HLCS: variants seen among roughly 807,000 people sequenced by gnomAD.
The protein encoded by HLCS is biotin--protein ligase.
Under a neutral mutation model 75.0 loss-of-function variants are expected in HLCS, and 53 were observed. That is an observed-to-expected ratio of 0.71 (90% CI 0.57 to 0.89). The LOEUF is 0.89. HLCS is among the 40% of genes least tolerant of loss of function. HLCS has a pLI of 0.00. For missense variants in HLCS, 966 were observed against 1,074.0 expected (o/e 0.90, Z 1.41); for synonymous variants, 431 against 428.6 (o/e 1.01, Z -0.07).
At chr21:36,924,175 T>C (rs1419580947) in intron 5 of HLCS, among the ~76,000 whole-genome samples, 3 of 152,182 alleles carry the variant, frequency 2.0e-5, no homozygotes, top group African/African-American at 7.2e-5. Flanking sequence ...GGATTAAAAA[T>C]AGGAGAAGGG....
chr21:36,855,787 A>G (rs907627040), intron 6 of HLCS, among the ~76,000 whole-genome samples: 4 of 152,026 alleles, frequency 2.6e-5, no homozygotes. Flanking sequence ...TGTGTTTCCC[A>G]GGCTGGTCTC....
rs975833877 is a variant in HLCS at position 36,752,696 on chromosome 21, C to G, written c.*1550G>C. 1 of 152,430 alleles carries G rather than the reference C, an allele frequency of 6.6e-6. No individual in the cohort carries two copies. Among genetic ancestry groups the G allele is most frequent in the African/African-American group, 2.4e-5 (1 of 41,406 alleles). The allele number at this position is 152,430 out of a possible 1,614,324, so 9.4% of individuals were successfully genotyped here. A position where few individuals can be genotyped will look rare whatever the true frequency, so the allele number is the denominator to read the frequency against. On this transcript the variant is annotated 3_prime_UTR_variant, in exon 11 of 11. Transcript: ENST00000674895. ...ATAATTCTAATTGAAGCCTCATTTCCAAAAATTACTTTTTAAGTTCTTTTA... is the reference window on the plus strand; with the variant it reads ...ATAATTCTAATTGAAGCCTCATTTCGAAAAATTACTTTTTAAGTTCTTTTA...
At chr21:36,976,445 G>A (rs1050770983) in intron 1 of HLCS, among the ~76,000 whole-genome samples, 11 of 152,068 alleles carry the variant, frequency 7.2e-5, no homozygotes, top group African/African-American at 9.7e-5. Flanking sequence ...TTAGCTGGGC[G>A]TGGTGGTGTG....
intron 5 of HLCS, among the ~76,000 whole-genome samples, chr21:36,907,169 T>C (rs1255515995): frequency 6.6e-6 from 1 of 152,170 alleles, no homozygotes; most frequent in Non-Finnish European, 1.5e-5. Flanking sequence ...ATATAAAAAT[T>C]AACTTGAAAT....
intron 6 of HLCS, 144 bp from the exon 7 acceptor site, chr21:36,767,429 AATGTGGAGCC>A: frequency 1.3e-6 from 1 of 765,114 alleles, no homozygotes; most frequent in South Asian, 1.4e-5. Context: ...GGCCTTCAGG[AATGTGGAGCC>A]ATGAGGGATA....
intron 2 of HLCS, among the ~76,000 whole-genome samples, chr21:36,941,028 A>G (rs2067116521): frequency 6.6e-6 from 1 of 152,226 alleles, no homozygotes; most frequent in Non-Finnish European, 1.5e-5. Flanking sequence ...CCTGGGCAAC[A>G]TGGTAAAACC....
intron 6 of HLCS, among the ~76,000 whole-genome samples, chr21:36,801,743 G>A (rs141773594): frequency 2.0e-5 from 3 of 150,704 alleles, no homozygotes; most frequent in Non-Finnish European, 4.4e-5. Context: ...GAGTAGTTAT[G>A]TTCTATTTAT....
chr21:36,774,896 AG>A (rs1163948503), intron 6 of HLCS, among the ~76,000 whole-genome samples: 1 of 152,214 alleles, frequency 6.6e-6, no homozygotes, highest in African/African-American at 2.4e-5. Context: ...GGCAGATAAT[AG>A]AACAGTTTTA....
chr21:36,884,557 T>A (rs934858301), intron 6 of HLCS, among the ~76,000 whole-genome samples: 5 of 152,232 alleles, frequency 3.3e-5, no homozygotes, highest in African/African-American at 4.8e-5. Flanking sequence ...CTCAGCAGAT[T>A]CAGCTCACTA....
intron 6 of HLCS, among the ~76,000 whole-genome samples, chr21:36,784,823 C>A (rs1239107394): frequency 1.3e-5 from 2 of 152,074 alleles, no homozygotes; most frequent in African/African-American, 4.8e-5. Flanking sequence ...CAGTTCTGTG[C>A]TATGTGTCTG....
chr21:36,983,779 G>GTGAGACGAGATGGTGTCAC, intron 1 of HLCS, among the ~76,000 whole-genome samples: 1 of 151,722 alleles, frequency 6.6e-6, no homozygotes, highest in Non-Finnish European at 1.5e-5. Flanking sequence ...AGAGCTTGCA[G>GTGAGACGAGATGGTGTCAC]TGAGACGAGA....
intron 6 of HLCS, among the ~76,000 whole-genome samples, chr21:36,787,047 T>A (rs1028648296): frequency 6.6e-6 from 1 of 152,168 alleles, no homozygotes; most frequent in African/African-American, 2.4e-5. Flanking sequence ...CATAATTCCA[T>A]CCACAGGCAG....
chr21:36,829,499 A>C (rs2062123123), intron 6 of HLCS, among the ~76,000 whole-genome samples: 1 of 152,224 alleles, frequency 6.6e-6, no homozygotes, highest in Admixed American at 6.5e-5. Flanking sequence ...TGCATAATAT[A>C]CAGGTATTAC....
chr21:36,927,854 G>A (rs2066473462), intron 5 of HLCS, among the ~76,000 whole-genome samples: 1 of 152,194 alleles, frequency 6.6e-6, no homozygotes, highest in Non-Finnish European at 1.5e-5. Context: ...TGTCTTGCAG[G>A]GCACAGGAAG....
chr21:36,961,075 G>A (rs1031283582), intron 2 of HLCS, among the ~76,000 whole-genome samples: 5 of 152,238 alleles, frequency 3.3e-5, no homozygotes, highest in Admixed American at 6.5e-5. Context: ...TCACGGAAGC[G>A]AGGAGGAGGT....
intron 5 of HLCS, among the ~76,000 whole-genome samples, chr21:36,920,434 C>T (rs2066114735): frequency 6.6e-6 from 1 of 151,410 alleles, no homozygotes; most frequent in African/African-American, 2.4e-5. Flanking sequence ...ATAAAAAGAA[C>T]GAATAAGACC....
At chr21:36,910,162 C>T (rs2065637173) in intron 5 of HLCS, among the ~76,000 whole-genome samples, 1 of 152,208 alleles carries the variant, frequency 6.6e-6, no homozygotes, top group African/African-American at 2.4e-5. Flanking sequence ...ATTTGACACG[C>T]AAAATACTCA....
At chr21:36,922,084 C>G (rs572246209) in intron 5 of HLCS, among the ~76,000 whole-genome samples, 1 of 151,944 alleles carries the variant, frequency 6.6e-6, no homozygotes, top group Non-Finnish European at 1.5e-5. Context: ...TTAAAAGTAT[C>G]GATTAAAAGA....
rs2090069584 is a variant in HLCS at position 36,767,225 on chromosome 21, C to T, written c.1953G>A (p.Glu651=). The change falls in exon 7 of 11, where the codon GAG becomes GAA. Residue 651 remains glutamate (E), a synonymous_variant. Coordinates refer to ENST00000674895, the MANE Select transcript of HLCS (RefSeq NM_001352514.2). ...GLIVIAARQT[E]GKGRGGNVWL... is the part of the protein sequence containing the mutation. ...TCACAAAAGATGACTGACCTTTGCC[C>T]TCGGTCTGCCGGGCCGCGATCACTA... is the stretch of plus-strand genomic sequence containing the variant. 6.2e-7 allele frequency: 1 copy of T among 1,614,168 alleles called. No individual in the cohort carries two copies. Among genetic ancestry groups the T allele is most frequent in the Non-Finnish European group, 8.5e-7 (1 of 1,180,004 alleles).
Sources: gnomAD v4.1 joint callset for allele counts (sites outside exome capture counted in the v4.1 genomes callset) on GRCh38, gnomAD v4.1.1 for gene constraint, MANE v1.5 for transcripts, NCBI Gene and HGNC (gene_info 2026-07-23, HGNC 2026-07-21) for gene names.